PRDM5: variants seen among roughly 807,000 people sequenced by gnomAD.
PRDM5 encodes PR domain zinc finger protein 5.
PRDM5 carries 56 observed loss-of-function variants against 81.2 expected under a neutral mutation model. The ratio of observed to expected loss-of-function variants is 0.69; its 90% CI spans 0.56 to 0.86. The LOEUF (loss-of-function observed/expected upper bound fraction) is 0.86, where lower values mean the gene tolerates loss of function less well. PRDM5 is among the 40% of genes least tolerant of loss of function. The pLI is 0.00. For missense variants in PRDM5, 697 were observed against 770.1 expected, an observed-to-expected ratio of 0.91 and a Z score of 1.12; for synonymous variants, 267 against 256.4, an observed-to-expected ratio of 1.04 and a Z score of -0.39.
At chr4:120,785,124 T>G in intron 10 of PRDM5, 33 bp from the exon 11 acceptor site, 1 of 1,482,846 alleles carries the variant, frequency 6.7e-7, no homozygotes, top group Non-Finnish European at 9.4e-7. Context: ...CAGGAGGATC[T>G]AGAATCAACC....
intron 3 of PRDM5, among the ~76,000 whole-genome samples, chr4:120,828,375 A>G (rs2149363252): frequency 1.3e-5 from 2 of 152,188 alleles, no homozygotes; most frequent in East Asian, 3.9e-4. Flanking sequence ...TGCATTTTAC[A>G]TATGGGAAAA....
At chr4:120,899,946 A>G (rs1396281211) in intron 2 of PRDM5, among the ~76,000 whole-genome samples, 1 of 152,224 alleles carries the variant, frequency 6.6e-6, no homozygotes, top group African/African-American at 2.4e-5. Flanking sequence ...GTATATTAAT[A>G]AGGGATATTC....
At chr4:120,704,863 A>T (rs1210264889) in intron 15 of PRDM5, among the ~76,000 whole-genome samples, 2 of 152,182 alleles carry the variant, frequency 1.3e-5, no homozygotes. Context: ...AGTTACAGGT[A>T]CTGTGAGCGT....
chr4:120,704,872 G>C lies in PRDM5; in HGVS notation c.1728+5437C>G, dbSNP rs116641644. On this transcript the variant is annotated intron_variant, in intron 15 of 15. Coordinates refer to ENST00000264808, the MANE Select transcript of PRDM5 (RefSeq NM_018699.4). ...GAAGATAGTTACAGGTACTGTGAGC[G>C]TGAAGAACATGGCTCAGCTGGGGAA... 9.4e-3 allele frequency among the ~76,000 whole-genome samples: 1,436 copies of C among 152,242 alleles called. 25 individuals carry two copies. The highest frequency in any genetic ancestry group is 0.032 in the African/African-American group (1,350 of 41,550).
intron 10 of PRDM5, among the ~76,000 whole-genome samples, chr4:120,789,184 A>G (rs1284879043): frequency 6.6e-6 from 1 of 152,188 alleles, no homozygotes; most frequent in Non-Finnish European, 1.5e-5. Context: ...TATGAAACAT[A>G]TCTTTTTATA....
chr4:120,712,123 T>TA (rs1353247078), intron 14 of PRDM5, among the ~76,000 whole-genome samples: 3 of 151,816 alleles, frequency 2.0e-5, no homozygotes, highest in Non-Finnish European at 4.4e-5. Flanking sequence ...CCGTCTCTAC[T>TA]AAAAATACAA....
chr4:120,701,624 A>G (rs1399255567), intron 15 of PRDM5, among the ~76,000 whole-genome samples: 1 of 152,218 alleles, frequency 6.6e-6, no homozygotes, highest in Non-Finnish European at 1.5e-5. Context: ...TGGGAGCTAA[A>G]CATTAACATA....
chr4:120,776,715 T>C (rs1748204231), intron 13 of PRDM5, among the ~76,000 whole-genome samples: 1 of 152,108 alleles, frequency 6.6e-6, no homozygotes, highest in African/African-American at 2.4e-5. Context: ...AAGAAGGGGA[T>C]CTTTAGGAAG....
At chr4:120,789,240 C>T (rs1178173505) in intron 10 of PRDM5, among the ~76,000 whole-genome samples, 1 of 152,164 alleles carries the variant, frequency 6.6e-6, no homozygotes, top group Non-Finnish European at 1.5e-5. Flanking sequence ...ATCTGTTGCA[C>T]TATTTATAAC....
chr4:120,885,267 CTA>C (rs1763315545), intron 2 of PRDM5, among the ~76,000 whole-genome samples: 1 of 151,898 alleles, frequency 6.6e-6, no homozygotes, highest in Non-Finnish European at 1.5e-5. Context: ...CTTACAGACA[CTA>C]TCTTGTCTGC....
In PRDM5 at chr4:120,699,155, AATATAAATATAT is replaced by A. The variant is rs1159832056; in HGVS notation, c.1729-3892_1729-3881del. On this transcript the variant is annotated intron_variant, in intron 15 of 15. Transcript: ENST00000264808. ...AACAAATGTATAGGCAATTATAGGA[AATATAAATATAT>A]ATATATATATATATATATATATATA... 1.4e-3 allele frequency among the ~76,000 whole-genome samples: 129 copies of A among 89,552 alleles called. 1 individual carries two copies. The highest frequency in any genetic ancestry group is 3.7e-3 in the South Asian group (9 of 2,462). 58.7% of individuals were successfully genotyped at this position (89,552 alleles called of 152,430 possible). A position where few individuals can be genotyped will look rare whatever the true frequency, so the allele number is the denominator to read the frequency against.
At chr4:120,870,771 C>A (rs990243170) in intron 2 of PRDM5, among the ~76,000 whole-genome samples, 4 of 152,128 alleles carry the variant, frequency 2.6e-5, no homozygotes, top group Non-Finnish European at 5.9e-5. Context: ...CAGTGTGGAG[C>A]GGACGGTAGC....
chr4:120,743,036 C>T (rs554898760), intron 14 of PRDM5, among the ~76,000 whole-genome samples: 6 of 151,594 alleles, frequency 4.0e-5, no homozygotes, highest in South Asian at 2.1e-4. Context: ...AGAGAAAGGT[C>T]GGGTTACCTT....
intron 13 of PRDM5, among the ~76,000 whole-genome samples, chr4:120,774,116 C>T (rs1019367857): frequency 1.9e-4 from 29 of 152,114 alleles, no homozygotes; most frequent in African/African-American, 6.8e-4. Flanking sequence ...CCAGAATCCT[C>T]GATTATTTTT....
intron 8 of PRDM5, among the ~76,000 whole-genome samples, chr4:120,808,805 C>A (rs1753389738): frequency 6.6e-6 from 1 of 152,200 alleles, no homozygotes; most frequent in African/African-American, 2.4e-5. Context: ...CAGCTGCTGG[C>A]CCAGGTGCTA....
chr4:120,891,755 A>G (rs1764072610), intron 2 of PRDM5, among the ~76,000 whole-genome samples: 1 of 151,874 alleles, frequency 6.6e-6, no homozygotes, highest in African/African-American at 2.4e-5. Flanking sequence ...TCAGCCTCCC[A>G]AATACCTGGG....
intron 8 of PRDM5, among the ~76,000 whole-genome samples, chr4:120,803,320 A>G (rs2149298584): frequency 6.6e-6 from 1 of 152,310 alleles, no homozygotes; most frequent in Middle Eastern, 3.4e-3. Context: ...CAACCTAGCA[A>G]GGCAGGCCAA....
At chr4:120,829,103 A>T (rs1483824494) in intron 3 of PRDM5, among the ~76,000 whole-genome samples, 1 of 152,072 alleles carries the variant, frequency 6.6e-6, no homozygotes, top group South Asian at 2.1e-4. Flanking sequence ...CATGGTATGG[A>T]ATTAAGAGAA....
At chr4:120,807,367 A>G (rs867645262) in intron 8 of PRDM5, among the ~76,000 whole-genome samples, 2 of 152,256 alleles carry the variant, frequency 1.3e-5, no homozygotes, top group Admixed American at 6.5e-5. Flanking sequence ...ACTGGGTTAT[A>G]CCCAAAGGAA....
Sources: gnomAD v4.1 joint callset for allele counts (sites outside exome capture counted in the v4.1 genomes callset) on GRCh38, gnomAD v4.1.1 for gene constraint, MANE v1.5 for transcripts, NCBI Gene and HGNC (gene_info 2026-07-23, HGNC 2026-07-21) for gene names.